The following NCMAP variants were observed in gnomAD, a reference collection of about 807,000 sequenced individuals.
NCMAP encodes the protein noncompact myelin-associated protein.
In NCMAP, 8 loss-of-function variants were observed where a neutral mutation model predicts 7.8. That is an observed-to-expected ratio of 1.02 (90% CI 0.60 to 1.84). NCMAP has a LOEUF of 1.84. NCMAP is among the 40% of genes most tolerant of loss of function. The pLI, the probability that NCMAP is intolerant of heterozygous loss-of-function variation, is 0.00. For synonymous variants in NCMAP, 41 were observed against 52.9 expected (o/e 0.78, Z 0.98); for missense variants, 112 against 131.4 (o/e 0.85, Z 0.72).
chr1:24,562,838 T>C (rs1651092631), intron 1 of NCMAP, among the ~76,000 whole-genome samples: 1 of 152,178 alleles, frequency 6.6e-6, no homozygotes, highest in Non-Finnish European at 1.5e-5. Context: ...AGCCTGCTTC[T>C]CTCTGGGAAC....
rs1439181377 is a variant in NCMAP, at chr1:24,572,636, C to T, written c.-8+16467C>T. ...CCGCCCCTCCCCACTGCTCAGCCCC[C>T]TCCTCCTAGGAGTACACAGGCCCCC... On this transcript the variant is annotated intron_variant, in intron 1 of 3. Coordinates refer to ENST00000374392, the MANE Select transcript of NCMAP (RefSeq NM_001010980.5). Among the ~76,000 whole-genome samples the T allele has an allele frequency of 5.3e-5, 8 of 150,678 alleles. 2 individuals carry two copies. The highest frequency in any genetic ancestry group is 2.0e-4 in the African/African-American group (8 of 39,994).
At chr1:24,583,102 G>GA (rs1254820864) in intron 1 of NCMAP, among the ~76,000 whole-genome samples, 1 of 152,110 alleles carries the variant, frequency 6.6e-6, no homozygotes, top group East Asian at 1.9e-4. Flanking sequence ...GGGAGAATAG[G>GA]AAACTGTTAA....
Position 24,595,467 on chromosome 1 carries a change from T to C in NCMAP, c.37T>C (p.Phe13Leu), listed in dbSNP as rs1442520869. ...CACCCCTCTGGGGGATACCACCTTC[T>C]TCTCACTGAACATGACCACCAGGGG... Reference protein sequence around the residue: ...TATPLGDTTFFSLNMTTRGED... With the variant: ...TATPLGDTTFLSLNMTTRGED... Residue 13 changes from phenylalanine to leucine, a missense_variant, in exon 2 of 4, where the codon TTC (phenylalanine) becomes CTC (leucine). Transcript: ENST00000374392. The C allele has an allele frequency of 6.2e-7, 1 of 1,614,006 alleles. No homozygotes were observed. The highest frequency in any genetic ancestry group is 8.5e-7 in the Non-Finnish European group (1 of 1,179,944).
At chr1:24,596,372 C>G (rs961295473) in intron 2 of NCMAP, among the ~76,000 whole-genome samples, 5 of 152,136 alleles carry the variant, frequency 3.3e-5, no homozygotes, top group African/African-American at 7.2e-5. Flanking sequence ...TAAAATGGCT[C>G]TAAATGGGTC....
rs147016065 is a variant in NCMAP, at chr1:24,605,556, G to A, written c.168-50G>A. 1,279 of 1,594,100 alleles carry A rather than the reference G, an allele frequency of 8.0e-4. 22 individuals carry two copies. In the East Asian group the frequency reaches 0.018, roughly 22 times the overall value. On this transcript the variant is annotated intron_variant, in intron 3 of 3. Coordinates refer to ENST00000374392, the MANE Select transcript of NCMAP (RefSeq NM_001010980.5). ...ACTGTAGTCGCAGAGCCCATTCCCCGCGGCATACCAGGGGAAAGACTCAAC... is the reference window on the plus strand; with the variant it reads ...ACTGTAGTCGCAGAGCCCATTCCCCACGGCATACCAGGGGAAAGACTCAAC...
At chr1:24,591,710 C>T (rs1003377307) in intron 1 of NCMAP, among the ~76,000 whole-genome samples, 6 of 152,122 alleles carry the variant, frequency 3.9e-5, no homozygotes, top group South Asian at 2.1e-4. Flanking sequence ...CAGAGCCACA[C>T]GGGGTTCCTG....
chr1:24,592,035 G>C (rs1305646403), intron 1 of NCMAP, among the ~76,000 whole-genome samples: 1 of 152,202 alleles, frequency 6.6e-6, no homozygotes, highest in African/African-American at 2.4e-5. Flanking sequence ...CATAGATAAG[G>C]ACTCTCTGGA....
At chr1:24,568,289 C>A (rs1651286541) in intron 1 of NCMAP, among the ~76,000 whole-genome samples, 1 of 152,220 alleles carries the variant, frequency 6.6e-6, no homozygotes, top group Non-Finnish European at 1.5e-5. Flanking sequence ...TCAGAGTTGA[C>A]ACAGCAGGAA....
chr1:24,576,544 A>G lies in NCMAP; in HGVS notation c.-7-18880A>G, dbSNP rs1391864094. Among the ~76,000 whole-genome samples the G allele has an allele frequency of 6.6e-6, 1 of 152,064 alleles. No individual in the cohort carries two copies. Among genetic ancestry groups the G allele is most frequent in the Non-Finnish European group, 1.5e-5 (1 of 67,994 alleles). On this transcript the variant is annotated intron_variant, in intron 1 of 3. Coordinates refer to ENST00000374392, the MANE Select transcript of NCMAP (RefSeq NM_001010980.5). This position sits in a 1 kb window ranked among gnomAD's most constrained non-coding sequence, Gnocchi z 4.0. ...AACAAGCCTCGGGGAGGGTGTCCTGAACCAAGTGAGAGGCTGGAAGAGTCA... is the reference window on the plus strand; with the variant it reads ...AACAAGCCTCGGGGAGGGTGTCCTGGACCAAGTGAGAGGCTGGAAGAGTCA...
At chr1:24,594,202 A>G (rs1327240559) in intron 1 of NCMAP, among the ~76,000 whole-genome samples, 1 of 152,102 alleles carries the variant, frequency 6.6e-6, no homozygotes, top group Non-Finnish European at 1.5e-5. Context: ...CAGAGTGATT[A>G]TAATATCATC....
chr1:24,588,060 G>C (rs541924278), intron 1 of NCMAP, among the ~76,000 whole-genome samples: 1 of 152,122 alleles, frequency 6.6e-6, no homozygotes, highest in South Asian at 2.1e-4. Flanking sequence ...TGGGACTTCT[G>C]AGAGGAAAAG....
chr1:24,563,180 G>A (rs1651103451), intron 1 of NCMAP, among the ~76,000 whole-genome samples: 1 of 152,212 alleles, frequency 6.6e-6, no homozygotes, highest in Non-Finnish European at 1.5e-5. Context: ...AAAGTCACAG[G>A]CACTTCCCTT....
chr1:24,599,819 G>A (rs1342246782), intron 2 of NCMAP, among the ~76,000 whole-genome samples: 1 of 47,772 alleles, frequency 2.1e-5, no homozygotes, highest in African/African-American at 8.3e-5. Flanking sequence ...CTCGTGATCC[G>A]CCCCCCCCCC....
intron 3 of NCMAP, among the ~76,000 whole-genome samples, chr1:24,603,797 TAGAG>T (rs1652589917): frequency 6.7e-6 from 1 of 150,278 alleles, no homozygotes; most frequent in African/African-American, 2.5e-5. Context: ...GAGAAAGTAA[TAGAG>T]AGAAAAAAAG....
At chr1:24,567,998 G>T (rs1483416284) in intron 1 of NCMAP, among the ~76,000 whole-genome samples, 2 of 152,006 alleles carry the variant, frequency 1.3e-5, no homozygotes, top group East Asian at 1.9e-4. Flanking sequence ...GGCCGTATTG[G>T]AATCTCTCCT....
chr1:24,605,569 GGAAA>G, intron 3 of NCMAP, 33 bp from the exon 4 acceptor site: 1 of 1,606,080 alleles, frequency 6.2e-7, no homozygotes. Context: ...GCATACCAGG[GGAAA>G]GACTCAACCA....
intron 1 of NCMAP, among the ~76,000 whole-genome samples, chr1:24,570,088 A>G (rs1230846582): frequency 6.7e-6 from 1 of 149,344 alleles, no homozygotes; most frequent in Non-Finnish European, 1.5e-5. Flanking sequence ...GGGACCACAG[A>G]TGTGAGCCAC....
chr1:24,585,888 T>C (rs534007298), intron 1 of NCMAP, among the ~76,000 whole-genome samples: 1 of 152,348 alleles, frequency 6.6e-6, no homozygotes, highest in African/African-American at 2.4e-5. Flanking sequence ...CCAGCGTTCA[T>C]GGTCTGACTC....
chr1:24,607,908 G>C lies in NCMAP; in HGVS notation c.*2161G>C, dbSNP rs1003139995. The C allele has an allele frequency of 6.6e-6, 1 of 152,186 alleles. No homozygotes were observed. The highest frequency in any genetic ancestry group is 6.6e-5 in the Admixed American group (1 of 15,262). The allele number at this position is 152,186 out of a possible 1,614,324, so 9.4% of individuals were successfully genotyped here. On this transcript the variant is annotated 3_prime_UTR_variant, in exon 4 of 4. Coordinates refer to ENST00000374392, the MANE Select transcript of NCMAP (RefSeq NM_001010980.5). The stretch of plus-strand genomic sequence containing the variant: ...ATGAGGGGAAATCAAGAGTCAGGGA[G>C]GTAAGAGGTCTTACCCAGGGTCACA...
Sources: allele counts gnomAD v4.1 joint callset (sites outside exome capture counted in the v4.1 genomes callset), GRCh38; gene constraint gnomAD v4.1.1; non-coding constraint Gnocchi (gnomAD v3.1); transcripts MANE v1.5; gene names NCBI Gene and HGNC (gene_info 2026-07-23, HGNC 2026-07-21).